NEGR1: variants seen among roughly 807,000 people sequenced by gnomAD.
NEGR1 encodes the protein neuronal growth regulator 1, also known as IgLON family member 4.
NEGR1 carries 10 observed loss-of-function variants against 40.9 expected under a neutral mutation model. The observed-to-expected ratio is 0.24, with a 90% CI of 0.15 to 0.42. The LOEUF is 0.42. NEGR1 is among the 10% of genes least tolerant of loss of function. NEGR1 has a pLI of 1.00. For synonymous variants in NEGR1, 185 were observed against 166.8 expected (o/e 1.11, Z -0.84); for missense variants, 352 against 438.9 (o/e 0.80, Z 1.77).
intron 2 of NEGR1, among the ~76,000 whole-genome samples, chr1:71,799,989 T>C (rs1657496098): frequency 6.6e-6 from 1 of 152,064 alleles, no homozygotes; most frequent in African/African-American, 2.4e-5. Flanking sequence ...TGGGATTACA[T>C]GTGTGAGCCA....
intron 6 of NEGR1, among the ~76,000 whole-genome samples, chr1:71,482,517 A>C (rs1336702584): frequency 6.6e-6 from 1 of 151,882 alleles, no homozygotes; most frequent in Non-Finnish European, 1.5e-5. Flanking sequence ...CCAGCATCAA[A>C]TGATATGACT....
chr1:71,666,379 A>G (rs527613480), intron 4 of NEGR1, among the ~76,000 whole-genome samples: 5 of 152,296 alleles, frequency 3.3e-5, no homozygotes, highest in African/African-American at 1.2e-4. Flanking sequence ...TAAATGTGTA[A>G]AAAGTACCCA....
chr1:71,948,488 T>TGA (rs1646040822), intron 1 of NEGR1, among the ~76,000 whole-genome samples: 1 of 143,906 alleles, frequency 6.9e-6, no homozygotes, highest in African/African-American at 2.6e-5. Context: ...GGGGCGTGTG[T>TGA]GTGTGTGTGA....
intron 1 of NEGR1, among the ~76,000 whole-genome samples, chr1:71,969,538 G>A (rs1646238829): frequency 6.6e-6 from 1 of 152,156 alleles, no homozygotes; most frequent in South Asian, 2.1e-4. Context: ...CACATTTTCT[G>A]CCATGACAGC....
chr1:71,464,490 G>A (rs80250745), intron 6 of NEGR1, among the ~76,000 whole-genome samples: 294 of 152,116 alleles, frequency 1.9e-3, no homozygotes, highest in African/African-American at 6.8e-3. Context: ...CATGAATACC[G>A]TTCCATTTTG....
chr1:71,535,945 A>G (rs1451045200), intron 6 of NEGR1, among the ~76,000 whole-genome samples: 1 of 151,744 alleles, frequency 6.6e-6, no homozygotes, highest in Non-Finnish European at 1.5e-5. Flanking sequence ...TGGAAGGATT[A>G]AAGACACTGT....
At chr1:71,847,755 AG>A (rs1659469848) in intron 2 of NEGR1, among the ~76,000 whole-genome samples, 2 of 152,184 alleles carry the variant, frequency 1.3e-5, no homozygotes, top group African/African-American at 4.8e-5. Flanking sequence ...TTAAAGTAAA[AG>A]GAAGAGTCAC....
At chr1:72,164,757 A>T (rs931011118) in intron 1 of NEGR1, among the ~76,000 whole-genome samples, 2 of 151,952 alleles carry the variant, frequency 1.3e-5, no homozygotes, top group Non-Finnish European at 2.9e-5. Flanking sequence ...TATAGAAAGA[A>T]AATTAAGGTG....
At chr1:71,422,271 T>A (rs2101280573) in intron 6 of NEGR1, among the ~76,000 whole-genome samples, 1 of 152,336 alleles carries the variant, frequency 6.6e-6, no homozygotes, top group Admixed American at 6.5e-5. Flanking sequence ...TTCCCCCATC[T>A]CTTTGATGCA....
chr1:71,956,782 G>A (rs375019315), intron 1 of NEGR1, among the ~76,000 whole-genome samples: 5 of 152,080 alleles, frequency 3.3e-5, no homozygotes, highest in African/African-American at 1.2e-4. Flanking sequence ...CCAGGATAAA[G>A]AGTTCAAAAA....
In NEGR1 at chr1:71,935,212, T is replaced by A. The variant is rs1408189898; in HGVS notation, c.276A>T (p.Ser92=). The A allele has an allele frequency of 1.9e-6, 3 of 1,613,802 alleles. No individual in the cohort carries two copies. In the East Asian group the frequency reaches 6.7e-5, roughly 36 times the overall value. Residue 92 remains serine, a synonymous_variant, in exon 2 of 7, where the codon TCA becomes TCT. Transcript: ENST00000357731. ...GDKWSVDPRV[S]ISTLNKRDYS... Reference sequence around the variant, plus strand: ...AGTCCCTTTTATTCAATGTTGAAATTGAAACTCGAGGATCCACTGACCACT... The same window carrying A: ...AGTCCCTTTTATTCAATGTTGAAATAGAAACTCGAGGATCCACTGACCACT...
intron 1 of NEGR1, among the ~76,000 whole-genome samples, chr1:72,024,726 C>T (rs1220675530): frequency 1.3e-5 from 2 of 152,186 alleles, no homozygotes; most frequent in Non-Finnish European, 2.9e-5. Flanking sequence ...AAGGTTATCA[C>T]TGCAGTCAGC....
intron 2 of NEGR1, among the ~76,000 whole-genome samples, chr1:71,830,515 C>T (rs982399177): frequency 2.6e-5 from 4 of 151,798 alleles, no homozygotes; most frequent in African/African-American, 7.3e-5. Flanking sequence ...TTGTTGATTG[C>T]ATTCTTGACA....
chr1:71,749,873 G>T (rs974911420), intron 3 of NEGR1, among the ~76,000 whole-genome samples: 6 of 152,040 alleles, frequency 3.9e-5, no homozygotes, highest in African/African-American at 1.4e-4. Context: ...GATTAATACA[G>T]AAGCAGTCAC....
chr1:71,964,445 T>C (rs1646193982), intron 1 of NEGR1, among the ~76,000 whole-genome samples: 1 of 152,130 alleles, frequency 6.6e-6, no homozygotes, highest in Admixed American at 6.5e-5. Context: ...AGGCCATGCG[T>C]AGATGACCTA....
intron 2 of NEGR1, among the ~76,000 whole-genome samples, chr1:71,930,282 A>G (rs1255825708): frequency 1.3e-5 from 2 of 152,308 alleles, no homozygotes; most frequent in South Asian, 2.1e-4. Context: ...GAGATAGCTC[A>G]TGGCAGAAAT....
intron 1 of NEGR1, among the ~76,000 whole-genome samples, chr1:72,076,575 G>T (rs551465804): frequency 7.5e-6 from 1 of 134,066 alleles, no homozygotes; most frequent in Non-Finnish European, 1.5e-5. Context: ...GCTATTCTCC[G>T]GCTGGCTGAC....
At chr1:72,066,298 A>C (rs897627077) in intron 1 of NEGR1, among the ~76,000 whole-genome samples, 3 of 152,146 alleles carry the variant, frequency 2.0e-5, no homozygotes, top group African/African-American at 7.2e-5. Flanking sequence ...TAACAAAGCT[A>C]CACTACTCAT....
At chr1:71,732,092 G>A (rs1425950314) in intron 3 of NEGR1, among the ~76,000 whole-genome samples, 1 of 152,048 alleles carries the variant, frequency 6.6e-6, no homozygotes, top group Non-Finnish European at 1.5e-5. Context: ...CCGAGGCAGT[G>A]GATCTCTTGA....
Sources: gnomAD v4.1 joint callset for allele counts (sites outside exome capture counted in the v4.1 genomes callset) on GRCh38, gnomAD v4.1.1 for gene constraint, MANE v1.5 for transcripts, NCBI Gene and HGNC (gene_info 2026-07-23, HGNC 2026-07-21) for gene names.